The following RBFOX1 variants were observed in gnomAD, a reference collection of about 807,000 sequenced individuals.
The protein encoded by RBFOX1 is RNA binding fox-1 homolog 1.
RBFOX1 carries 8 observed loss-of-function variants against 57.7 expected under a neutral mutation model. The ratio of observed to expected loss-of-function variants is 0.14; its 90% confidence interval spans 0.08 to 0.25. The LOEUF is 0.25. RBFOX1 is among the 10% of genes least tolerant of loss of function. The pLI is 1.00. For synonymous variants in RBFOX1, 326 were observed against 222.4 expected (o/e 1.47, Z -4.15); for missense variants, 611 against 548.5 (o/e 1.11, Z -1.14).
At chr16:6,376,465 G>A (rs575626048) in intron 2 of RBFOX1, among the ~76,000 whole-genome samples, 5 of 152,216 alleles carry the variant, frequency 3.3e-5, no homozygotes, top group South Asian at 2.1e-4. Context: ...TGAATCCTTC[G>A]TTGCCTTTTC....
At chr16:7,278,892 T>A (rs774883617) in intron 4 of RBFOX1, among the ~76,000 whole-genome samples, 1 of 152,198 alleles carries the variant, frequency 6.6e-6, no homozygotes, top group Non-Finnish European at 1.5e-5. Flanking sequence ...AAGGGAATTA[T>A]TCTGACCGGG....
chr16:5,339,398 T>A (rs2064978474), intron 1 of RBFOX1, among the ~76,000 whole-genome samples: 1 of 149,950 alleles, frequency 6.7e-6, no homozygotes, highest in South Asian at 2.1e-4. Flanking sequence ...ATGGTCCTTA[T>A]GAGACCAAAC....
chr16:7,235,249 C>T (rs1225870840), intron 4 of RBFOX1, among the ~76,000 whole-genome samples: 2 of 152,086 alleles, frequency 1.3e-5, no homozygotes, highest in East Asian at 1.9e-4. Flanking sequence ...TTTTATTTTA[C>T]ATTTCAGGGA....
At chr16:7,164,004 G>C (rs1245430167) in intron 4 of RBFOX1, among the ~76,000 whole-genome samples, 2 of 152,074 alleles carry the variant, frequency 1.3e-5, no homozygotes, top group Non-Finnish European at 2.9e-5. Context: ...GAGAACAGGA[G>C]GTGTTTGGTT....
chr16:7,278,121 G>C lies in RBFOX1; in HGVS notation c.27+226023G>C, dbSNP rs570394984. On this transcript the variant is annotated intron_variant, in intron 4 of 15. Coordinates refer to ENST00000550418, the MANE Select transcript of RBFOX1 (RefSeq NM_018723.4). ...TGAATCCATAGTGGTATTTGGCTCC[G>C]CTTGGTTTCCAAAATTGTAAGGTAA... 3.8e-4 allele frequency among the ~76,000 whole-genome samples: 58 copies of C among 151,960 alleles called. No homozygotes were observed. In the South Asian group the frequency reaches 4.2e-3, roughly 11 times the overall value.
At chr16:7,039,443 T>A (rs2045498324) in intron 3 of RBFOX1, among the ~76,000 whole-genome samples, 1 of 152,204 alleles carries the variant, frequency 6.6e-6, no homozygotes, top group Non-Finnish European at 1.5e-5. Flanking sequence ...TGTATTTTGT[T>A]CGTTTATGCA....
At chr16:7,189,470 C>CCTCA (rs1347022063) in intron 4 of RBFOX1, among the ~76,000 whole-genome samples, 7 of 133,956 alleles carry the variant, frequency 5.2e-5, no homozygotes, top group Admixed American at 5.1e-4. Flanking sequence ...TGGATAGAAT[C>CCTCA]CTCATAGGGA....
At chr16:7,328,627 ATT>A (rs199909883) in intron 4 of RBFOX1, 106 of 142,220 alleles carry the variant, frequency 7.5e-4, no homozygotes, top group Admixed American at 9.3e-4. Flanking sequence ...AGATGGAAGA[ATT>A]TTTTTTTTTT....
intron 2 of RBFOX1, among the ~76,000 whole-genome samples, chr16:6,557,038 TATATATACATATATATAC>T (rs1287325106): frequency 3.9e-5 from 5 of 129,564 alleles, no homozygotes; most frequent in Non-Finnish European, 6.2e-5. Flanking sequence ...TATATACACA[TATATATACATATATATAC>T]ATATATACAT....
At chr16:5,718,171 A>G (rs1337085871) in intron 3 of RBFOX1, among the ~76,000 whole-genome samples, 1 of 152,224 alleles carries the variant, frequency 6.6e-6, no homozygotes, top group East Asian at 1.9e-4. Flanking sequence ...ATCCTCTTGA[A>G]TAGCTGCTGT....
chr16:5,776,059 G>C (rs1044810843), intron 3 of RBFOX1, among the ~76,000 whole-genome samples: 2 of 152,126 alleles, frequency 1.3e-5, no homozygotes, highest in African/African-American at 4.8e-5. Flanking sequence ...AATGGAAATG[G>C]CTTTCCCCTT....
In RBFOX1 at chr16:6,097,893, C is replaced by A. The variant is rs1256267939; in HGVS notation, c.-127+77901C>A. On this transcript the variant is annotated intron_variant, in intron 1 of 15. Coordinates refer to ENST00000550418, the MANE Select transcript of RBFOX1 (RefSeq NM_018723.4). This position sits in a 1 kb window ranked among gnomAD's most constrained non-coding sequence, Gnocchi z 5.0. ...TTGTGCATGGCTATTTTGCGATTTG[C>A]CATTGCTGGAATATTTAGCAAGCAT... Among the ~76,000 whole-genome samples, 2 of 152,032 alleles carry A rather than the reference C, an allele frequency of 1.3e-5. No individual in the cohort carries two copies. The highest frequency in any genetic ancestry group is 2.9e-5 in the Non-Finnish European group (2 of 68,020).
chr16:7,596,108 G>GTT lies in RBFOX1; in HGVS notation c.561+469_561+470dup, dbSNP rs2094680364. ...TTTTTTTGTTTGTTTTTTTTTGTTT[G>GTT]TTTGTTTGTTTTTTGTGGAAAAAAA... On this transcript the variant is annotated intron_variant, in intron 8 of 15. Coordinates refer to ENST00000550418, the MANE Select transcript of RBFOX1 (RefSeq NM_018723.4). Among the ~76,000 whole-genome samples, 4 of 100,546 alleles carry GTT rather than the reference G, an allele frequency of 4.0e-5. No individual in the cohort carries two copies. In the South Asian group the frequency reaches 1.4e-3, roughly 34 times the overall value. 66.0% of individuals were successfully genotyped at this position (100,546 alleles called of 152,430 possible).
chr16:7,377,398 CATT>C (rs1568499592), intron 4 of RBFOX1, among the ~76,000 whole-genome samples: 1 of 152,110 alleles, frequency 6.6e-6, no homozygotes. Flanking sequence ...ATTCGTATGT[CATT>C]ATAGGTGACA....
At chr16:5,762,481 C>A (rs1179867506) in intron 3 of RBFOX1, among the ~76,000 whole-genome samples, 1 of 152,058 alleles carries the variant, frequency 6.6e-6, no homozygotes, top group Non-Finnish European at 1.5e-5. Context: ...GGCAGTTTGG[C>A]AATAAGACTA....
chr16:5,589,067 A>G (rs1292162771), intron 2 of RBFOX1, among the ~76,000 whole-genome samples: 1 of 152,218 alleles, frequency 6.6e-6, no homozygotes, highest in Non-Finnish European at 1.5e-5. Flanking sequence ...TGGCAGGGCC[A>G]AGGCAGTGGG....
At chr16:5,939,669 C>A (rs749680395) in intron 4 of RBFOX1, among the ~76,000 whole-genome samples, 2 of 152,126 alleles carry the variant, frequency 1.3e-5, no homozygotes, top group Middle Eastern at 3.2e-3. Flanking sequence ...AAAGTCCAGC[C>A]TTGACTCAAG....
chr16:6,373,113 T>C (rs1451647624), intron 2 of RBFOX1, among the ~76,000 whole-genome samples: 3 of 151,660 alleles, frequency 2.0e-5, no homozygotes, highest in African/African-American at 7.3e-5. Flanking sequence ...GGAATGGAGA[T>C]TGGGTGGAAG....
intron 5 of RBFOX1, among the ~76,000 whole-genome samples, chr16:7,523,770 G>A (rs973329670): frequency 2.0e-5 from 3 of 152,156 alleles, no homozygotes; most frequent in Non-Finnish European, 4.4e-5. Flanking sequence ...AATTACATCT[G>A]TATACTCATC....
Sources: allele counts gnomAD v4.1 joint callset (sites outside exome capture counted in the v4.1 genomes callset), GRCh38; gene constraint gnomAD v4.1.1; non-coding constraint Gnocchi (gnomAD v3.1); transcripts MANE v1.5; gene names NCBI Gene and HGNC (gene_info 2026-07-23, HGNC 2026-07-21).